Variants in PCNT observed in about 807,000 individuals in gnomAD.
PCNT encodes the protein kendrin.
In PCNT, 319 loss-of-function variants were observed where a neutral mutation model predicts 380.4. The ratio of observed to expected loss-of-function variants is 0.84; its 90% CI spans 0.77 to 0.92. The LOEUF is 0.92. Ranked by LOEUF, PCNT falls within the 40% of genes least tolerant of loss-of-function variation. PCNT has a pLI of 0.00. For synonymous variants in PCNT, 1,845 were observed against 1,735.2 expected (o/e 1.06, Z -1.57); for missense variants, 4,400 against 4,255.3 (o/e 1.03, Z -0.95).
At chr21:46,426,807 G>T (rs530091096) in intron 33 of PCNT, among the ~76,000 whole-genome samples, 1 of 152,262 alleles carries the variant, frequency 6.6e-6, no homozygotes, top group East Asian at 1.9e-4. Flanking sequence ...CTCCCATCAC[G>T]CTCCCTCCCA....
At chr21:46,348,576 A>G (rs2084157688) in intron 6 of PCNT, among the ~76,000 whole-genome samples, 1 of 152,148 alleles carries the variant, frequency 6.6e-6, no homozygotes, top group African/African-American at 2.4e-5. Context: ...GACTGGGTGT[A>G]AGGCCTGTCA....
intron 26 of PCNT, among the ~76,000 whole-genome samples, chr21:46,402,005 G>A (rs1027696236): frequency 2.0e-5 from 3 of 151,986 alleles, no homozygotes; most frequent in Admixed American, 6.6e-5. Flanking sequence ...TGCACCCACC[G>A]CCACGCCCGG....
chr21:46,428,357 G>A (rs994908820), intron 34 of PCNT, 38 bp from the exon 35 acceptor site: 2 of 1,583,252 alleles, frequency 1.3e-6, no homozygotes, highest in South Asian at 2.2e-5. Context: ...TGGGGTGGCT[G>A]CCCAATGCTC....
chr21:46,364,005 C>G, intron 14 of PCNT, 71 bp downstream of exon 14: 1 of 1,433,374 alleles, frequency 7.0e-7, no homozygotes, highest in Non-Finnish European at 9.7e-7. Flanking sequence ...GGTGGGCAGG[C>G]TCCTGGGAGG....
intron 3 of PCNT, among the ~76,000 whole-genome samples, chr21:46,345,383 A>T (rs957629734): frequency 1.3e-4 from 19 of 151,706 alleles, no homozygotes; most frequent in African/African-American, 4.6e-4. Context: ...ACGCCTGGCT[A>T]ATTTTTGTAT....
At chr21:46,389,529 C>T in intron 19 of PCNT, 98 bp downstream of exon 19, 1 of 929,126 alleles carries the variant, frequency 1.1e-6, no homozygotes, top group Non-Finnish European at 1.7e-6. Context: ...ACGACGCTCG[C>T]ACGGGTTTCT....
Position 46,431,943 on chromosome 21 carries a change from C to G in PCNT, c.8479C>G (p.Gln2827Glu), listed in dbSNP as rs551420606. The change falls in exon 38 of 47, where the codon CAG (glutamine) becomes GAG (glutamate). Residue 2827 changes from glutamine to glutamate, a missense_variant. Gln to Glu is a conservative substitution (Grantham distance 29). Coordinates refer to ENST00000359568, the MANE Select transcript of PCNT (RefSeq NM_006031.6). ...HSQQQLEAEA[Q>E]KHCEALRREK... ...TCAGCAGCAGCTTGAGGCTGAGGCT[C>G]AGAAGCACTGTGAGGCGCTCAGGAG... 4.3e-6 allele frequency: 7 copies of G among 1,613,998 alleles called. No homozygotes were observed. Among genetic ancestry groups the G allele is most frequent in the African/African-American group, 1.3e-5 (1 of 75,058 alleles).
At chr21:46,402,915 T>G (rs890599772) in intron 27 of PCNT, among the ~76,000 whole-genome samples, 1 of 152,242 alleles carries the variant, frequency 6.6e-6, no homozygotes, top group African/African-American at 2.4e-5. Flanking sequence ...TTTTAAATTT[T>G]TGTGAGTACA....
intron 8 of PCNT, among the ~76,000 whole-genome samples, chr21:46,351,022 C>A (rs183944455): frequency 1.6e-4 from 24 of 152,268 alleles, no homozygotes; most frequent in Non-Finnish European, 3.1e-4. Context: ...ACTGAGAGAC[C>A]TCCTATTTGG....
intron 14 of PCNT, among the ~76,000 whole-genome samples, chr21:46,366,353 C>G (rs907790489): frequency 6.6e-6 from 1 of 152,150 alleles, no homozygotes; most frequent in Non-Finnish European, 1.5e-5. Flanking sequence ...CTGGCGACTC[C>G]CATGGCTTTG....
At position 46,436,469 on chromosome 21, in the gene PCNT, G is replaced by GCCCCCCCC. The variant is rs769557050; in HGVS notation, c.8996+321_8996+322insCCCCCCCC. On this transcript the variant is annotated intron_variant, in intron 39 of 46. Coordinates refer to ENST00000359568, the MANE Select transcript of PCNT (RefSeq NM_006031.6). ...CAGGGTCGGGTTTGGAGCCTCCTGT[G>GCCCCCCCC]GCCCCCCCCCCCCCCCCCCGCTGGC... 2.3e-3 allele frequency among the ~76,000 whole-genome samples: 93 copies of GCCCCCCCC among 40,032 alleles called. 35 individuals carry two copies. Among genetic ancestry groups the GCCCCCCCC allele is most frequent in the Non-Finnish European group, 3.2e-3 (55 of 17,220 alleles). The allele number at this position is 40,032 out of a possible 152,430, so 26.3% of individuals were successfully genotyped here.
intron 5 of PCNT, 92 bp downstream of exon 5, chr21:46,347,090 C>T (rs908642829): frequency 1.9e-5 from 28 of 1,449,734 alleles, no homozygotes; most frequent in Non-Finnish European, 2.6e-5. Flanking sequence ...GCTGGGGCGC[C>T]CTAGCACCGT....
chr21:46,366,339 TG>T (rs1232638897), intron 14 of PCNT, among the ~76,000 whole-genome samples: 1 of 152,184 alleles, frequency 6.6e-6, no homozygotes, highest in Non-Finnish European at 1.5e-5. Context: ...CTGTGGTCTG[TG>T]ACCTGGCGAC....
chr21:46,372,562 A>T (rs1305826801), intron 15 of PCNT, among the ~76,000 whole-genome samples: 1 of 152,248 alleles, frequency 6.6e-6, no homozygotes, highest in Non-Finnish European at 1.5e-5. Context: ...TTGATAATTT[A>T]TTTGAAGCAT....
chr21:46,339,399 C>T (rs1222221270), intron 3 of PCNT, among the ~76,000 whole-genome samples: 7 of 152,060 alleles, frequency 4.6e-5, no homozygotes, highest in Non-Finnish European at 8.8e-5. Context: ...AGGGACAGAA[C>T]TAAAAGGATA....
At position 46,442,581 on chromosome 21, in the gene PCNT, T is replaced by A; in HGVS notation, c.9700+8T>A. On this transcript the variant is annotated splice_region_variant and intron_variant, in intron 44 of 46. Transcript: ENST00000359568. ...GCAAAGCCCCTCGCCCAGGTGGGACTCCAGCTGCTGTTGACCGCTGGACTC... is the reference window on the plus strand; with the variant it reads ...GCAAAGCCCCTCGCCCAGGTGGGACACCAGCTGCTGTTGACCGCTGGACTC... 1.3e-6 allele frequency: 2 copies of A among 1,564,430 alleles called. No individual in the cohort carries two copies. The highest frequency in any genetic ancestry group is 1.8e-6 in the Non-Finnish European group (2 of 1,134,780).
At chr21:46,364,738 C>G (rs1341599267) in intron 14 of PCNT, among the ~76,000 whole-genome samples, 1 of 152,194 alleles carries the variant, frequency 6.6e-6, no homozygotes, top group Non-Finnish European at 1.5e-5. Flanking sequence ...ATCTGTCTGC[C>G]CCACCCAGCC....
In PCNT at chr21:46,349,009, T is replaced by C; in HGVS notation, c.1033-3T>C. The C allele has an allele frequency of 6.4e-7, 1 of 1,556,310 alleles. No homozygotes were observed. Among genetic ancestry groups the C allele is most frequent in the East Asian group, 2.2e-5 (1 of 44,594 alleles). On this transcript the variant is annotated splice_region_variant and splice_polypyrimidine_tract_variant and intron_variant, in intron 6 of 46. Transcript: ENST00000359568. The stretch of plus-strand genomic sequence containing the variant: ...AGTTTAATTTTTTTTTCTTTTAAAT[T>C]AGACCCTGAAGGAAGATTGGGAATC...
intron 44 of PCNT, among the ~76,000 whole-genome samples, chr21:46,443,361 G>C (rs1318214103): frequency 2.0e-5 from 3 of 152,230 alleles, no homozygotes; most frequent in Non-Finnish European, 4.4e-5. Flanking sequence ...GGGACTGTGG[G>C]CATGAGCACT....
Sources: allele counts gnomAD v4.1 joint callset (sites outside exome capture counted in the v4.1 genomes callset), GRCh38; gene constraint gnomAD v4.1.1; transcripts MANE v1.5; gene names NCBI Gene and HGNC (gene_info 2026-07-23, HGNC 2026-07-21).